TC2N: variants seen among roughly 807,000 people sequenced by gnomAD.
TC2N encodes the protein tandem C2 domains nuclear protein.
A neutral mutation model predicts 61.9 loss-of-function variants in TC2N; 51 were observed. The ratio of observed to expected loss-of-function variants is 0.82; its 90% CI spans 0.66 to 1.04. The LOEUF (loss-of-function observed/expected upper bound fraction) is 1.04, where lower values mean the gene tolerates loss of function less well. Ranked by LOEUF, TC2N falls within the 50% of genes least tolerant of loss-of-function variation. The pLI is 0.00. For synonymous variants in TC2N, 204 were observed against 192.6 expected (o/e 1.06, Z -0.49); for missense variants, 556 against 566.7 (o/e 0.98, Z 0.19).
intron 3 of TC2N, among the ~76,000 whole-genome samples, chr14:91,807,967 T>G (rs770584721): frequency 6.6e-6 from 1 of 152,174 alleles, no homozygotes; most frequent in African/African-American, 2.4e-5. Flanking sequence ...CTTGTGATAG[T>G]GAATAAGTCT....
intron 8 of TC2N, among the ~76,000 whole-genome samples, chr14:91,794,275 T>C (rs890524079): frequency 6.6e-6 from 1 of 152,214 alleles, no homozygotes; most frequent in Non-Finnish European, 1.5e-5. Flanking sequence ...AGTGCTAATG[T>C]AGAAGTTGCA....
chr14:91,825,694 C>T (rs1163150978), intron 1 of TC2N, among the ~76,000 whole-genome samples: 1 of 152,146 alleles, frequency 6.6e-6, no homozygotes, highest in African/African-American at 2.4e-5. Flanking sequence ...TTCTTGCTGT[C>T]TCTAGTTTCT....
At position 91,814,999 on chromosome 14, in the gene TC2N, TA is replaced by T. The variant is rs571527542; in HGVS notation, c.-56-1175del. 2.6e-3 allele frequency among the ~76,000 whole-genome samples: 391 copies of T among 150,918 alleles called. 1 individual carries two copies. The highest frequency in any genetic ancestry group is 4.9e-3 in the Non-Finnish European group (329 of 67,412). ...TTGAAAAGTAAAGAAAAAGCATATT[TA>T]AAAAAAAGTAAAGAGTGGTAAAGGA... On this transcript the variant is annotated intron_variant, in intron 1 of 11. Transcript: ENST00000435962.
intron 1 of TC2N, among the ~76,000 whole-genome samples, chr14:91,824,944 T>C (rs544515476): frequency 1.3e-5 from 2 of 152,082 alleles, no homozygotes; most frequent in Admixed American, 6.5e-5. Flanking sequence ...AAAGAGTAGT[T>C]AGCAGGTGAA....
intron 1 of TC2N, among the ~76,000 whole-genome samples, chr14:91,854,430 G>C (rs1412174006): frequency 8.5e-6 from 1 of 117,980 alleles, no homozygotes; most frequent in Non-Finnish European, 1.8e-5. Flanking sequence ...GGAGGGGGAG[G>C]GGAAGGAGGA....
chr14:91,821,000 T>G (rs1249154863), intron 1 of TC2N, among the ~76,000 whole-genome samples: 2 of 152,040 alleles, frequency 1.3e-5, no homozygotes, highest in African/African-American at 4.8e-5. Context: ...TTGGAAGATG[T>G]AATATCATTA....
At chr14:91,833,682 T>G (rs1341578806) in intron 1 of TC2N, among the ~76,000 whole-genome samples, 1 of 152,216 alleles carries the variant, frequency 6.6e-6, no homozygotes, top group Non-Finnish European at 1.5e-5. Flanking sequence ...GTTTGCATTT[T>G]CTAGAATTTT....
chr14:91,860,961 G>A (rs1215236139), intron 1 of TC2N, among the ~76,000 whole-genome samples: 1 of 152,246 alleles, frequency 6.6e-6, no homozygotes, highest in Non-Finnish European at 1.5e-5. Context: ...TCTGGAGACT[G>A]CACTGTCCTG....
At chr14:91,856,377 G>C (rs537927505) in intron 1 of TC2N, among the ~76,000 whole-genome samples, 16 of 152,008 alleles carry the variant, frequency 1.1e-4, no homozygotes, top group African/African-American at 3.6e-4. Flanking sequence ...CCAGCTACTC[G>C]GGAGACTAAG....
chr14:91,804,102 A>G (rs111439986), intron 3 of TC2N, among the ~76,000 whole-genome samples: 74 of 152,348 alleles, frequency 4.9e-4, no homozygotes, highest in Middle Eastern at 3.4e-3. Flanking sequence ...CAATCTCATT[A>G]GTCATGAGGA....
chr14:91,802,381 A>C lies in TC2N; in HGVS notation c.342T>G (p.Leu114=), dbSNP rs575562849. 1.2e-6 allele frequency: 2 copies of C among 1,612,632 alleles called. No homozygotes were observed. Among genetic ancestry groups the C allele is most frequent in the Non-Finnish European group, 1.7e-6 (2 of 1,179,588 alleles). The change falls in exon 4 of 12, where the codon CTT becomes CTG. Residue 114 remains leucine (L), a synonymous_variant. Transcript: ENST00000435962. ...TAGGTCCGTGCTGGGATGAACTGGAAAGTTCTACCTTTCGATCTCCAAAAG... is the reference window on the plus strand; with the variant it reads ...TAGGTCCGTGCTGGGATGAACTGGACAGTTCTACCTTTCGATCTCCAAAAG... ...RASFGDRKVE[L]SSSSQHGPSY...
intron 1 of TC2N, among the ~76,000 whole-genome samples, chr14:91,835,967 G>C (rs1288364105): frequency 6.6e-6 from 1 of 152,060 alleles, no homozygotes; most frequent in Admixed American, 6.5e-5. Context: ...CCCCTAGGCA[G>C]AGCCGCCCAC....
chr14:91,832,233 A>C (rs1262895501), intron 1 of TC2N, among the ~76,000 whole-genome samples: 1 of 152,122 alleles, frequency 6.6e-6, no homozygotes, highest in African/African-American at 2.4e-5. Context: ...TACTAAAAAT[A>C]CAAAAAATTA....
chr14:91,864,400 G>A (rs528927322), intron 1 of TC2N, among the ~76,000 whole-genome samples: 1 of 152,284 alleles, frequency 6.6e-6, no homozygotes, highest in South Asian at 2.1e-4. Flanking sequence ...TAAGTTTTCA[G>A]ATCAGGGGAT....
At chr14:91,805,534 C>T (rs1228991557) in intron 3 of TC2N, among the ~76,000 whole-genome samples, 1 of 151,936 alleles carries the variant, frequency 6.6e-6, no homozygotes, top group African/African-American at 2.4e-5. Context: ...GTGTGGTGGC[C>T]CGCGCCTGTA....
chr14:91,856,487 A>C (rs1199219531), intron 1 of TC2N, among the ~76,000 whole-genome samples: 1 of 38,102 alleles, frequency 2.6e-5, no homozygotes, highest in Non-Finnish European at 5.2e-5. Context: ...ACCTTGTCTC[A>C]AAAAAAAAAA....
At chr14:91,828,850 T>C (rs1287869102) in intron 1 of TC2N, among the ~76,000 whole-genome samples, 1 of 152,064 alleles carries the variant, frequency 6.6e-6, no homozygotes, top group Non-Finnish European at 1.5e-5. Flanking sequence ...TGTAGGTACA[T>C]AATGTTCAGC....
chr14:91,835,299 C>A (rs1008289167), intron 1 of TC2N, among the ~76,000 whole-genome samples: 1 of 152,184 alleles, frequency 6.6e-6, no homozygotes, highest in Non-Finnish European at 1.5e-5. Flanking sequence ...TTACTCCCTC[C>A]TTCCAGAAAA....
intron 1 of TC2N, among the ~76,000 whole-genome samples, chr14:91,856,862 G>T (rs777477043): frequency 2.6e-5 from 4 of 152,198 alleles, no homozygotes; most frequent in Non-Finnish European, 4.4e-5. Flanking sequence ...ACCTTGAAAG[G>T]TCACAGAAGT....
Sources: allele counts gnomAD v4.1 joint callset (sites outside exome capture counted in the v4.1 genomes callset), GRCh38; gene constraint gnomAD v4.1.1; transcripts MANE v1.5; gene names NCBI Gene and HGNC (gene_info 2026-07-23, HGNC 2026-07-21).